SAMHD1: variants seen among roughly 807,000 people sequenced by gnomAD.
SAMHD1 encodes the protein SAM and HD domain containing deoxynucleoside triphosphate triphosphohydrolase 1.
SAMHD1 carries 54 observed loss-of-function variants against 79.6 expected under a neutral mutation model. That is an observed-to-expected ratio of 0.68 (90% CI 0.55 to 0.85). SAMHD1 has a LOEUF of 0.85. Among genes scored for constraint, SAMHD1 ranks in the 40% least tolerant of loss-of-function variants. The pLI is 0.00. For missense variants in SAMHD1, 663 were observed against 782.7 expected, an observed-to-expected ratio of 0.85 and a Z score of 1.82; for synonymous variants, 260 against 264.1, an observed-to-expected ratio of 0.98 and a Z score of 0.15.
At chr20:36,916,649 T>A in intron 9 of SAMHD1, 73 bp downstream of exon 9, 1 of 1,049,820 alleles carries the variant, frequency 9.5e-7, no homozygotes, top group African/African-American at 1.6e-5. Context: ...TTATTCCAAA[T>A]TGTTAAATGG....
At chr20:36,930,036 G>A (rs1185668567) in intron 5 of SAMHD1, among the ~76,000 whole-genome samples, 1 of 146,384 alleles carries the variant, frequency 6.8e-6, no homozygotes, top group African/African-American at 2.5e-5. Flanking sequence ...ACCTGCCTGG[G>A]CAATATAGCG....
At chr20:36,947,670 T>A (rs541370600) in intron 1 of SAMHD1, among the ~76,000 whole-genome samples, 13 of 151,934 alleles carry the variant, frequency 8.6e-5, no homozygotes, top group Admixed American at 2.6e-4. Flanking sequence ...TCTGGACTAT[T>A]TTCTTTTATT....
intron 7 of SAMHD1, among the ~76,000 whole-genome samples, chr20:36,919,134 T>C (rs2063491653): frequency 6.6e-6 from 1 of 152,190 alleles, no homozygotes; most frequent in African/African-American, 2.4e-5. Context: ...AGACCCTGTC[T>C]CTAAAAAGAA....
In SAMHD1 at chr20:36,919,376, G is replaced by T. The variant is rs17853622; in HGVS notation, c.840C>A (p.Val280=). The T allele has an allele frequency of 3.7e-6, 6 of 1,613,358 alleles. No homozygotes were observed. The highest frequency in any genetic ancestry group is 5.1e-6 in the Non-Finnish European group (6 of 1,179,582). ...TACATAAACTTACCAATGAATCTTC[G>T]ACAGGTGATTCAAGTGGTCCTACAA... ...EQIVGPLESP[V]EDSLWPYKGR... The change falls in exon 7 of 16, where the codon GTC becomes GTA. Residue 280 remains valine, a synonymous_variant. Coordinates refer to ENST00000646673, the MANE Select transcript of SAMHD1 (RefSeq NM_015474.4).
In SAMHD1 at chr20:36,916,966, T is replaced by A. The variant is rs1416134092; in HGVS notation, c.936A>T (p.Lys312Asn). ...GTGCATACCTGGCAAAATAATCCCA[T>A]TTGTCCACATCAATGCCATTTCTTT... is the stretch of plus-strand genomic sequence containing the variant. ...SNKRNGIDVD[K>N]WDYFARDCHH... The change falls in exon 8 of 16, where the codon AAA becomes AAT. Residue 312 changes from lysine (K) to asparagine (N), a missense_variant. Coordinates refer to ENST00000646673, the MANE Select transcript of SAMHD1 (RefSeq NM_015474.4). 1.2e-6 allele frequency: 2 copies of A among 1,613,268 alleles called. No individual in the cohort carries two copies. The highest frequency in any genetic ancestry group is 2.2e-5 in the South Asian group (2 of 91,062).
chr20:36,897,856 T>C lies in SAMHD1; in HGVS notation c.1712A>G (p.Gln571Arg), dbSNP rs1423713693. 5 of 1,614,236 alleles carry C rather than the reference T, an allele frequency of 3.1e-6. No homozygotes were observed. In the East Asian group the frequency reaches 8.9e-5, roughly 29 times the overall value. Residue 571 changes from glutamine (Q) to arginine (R), a missense_variant, in exon 15 of 16, where the codon CAG becomes CGG. Physicochemically the swap from Gln to Arg is conservative, Grantham distance 43. Transcript: ENST00000646673. ...SLYAARQYFV[Q>R]WCADRNFTKP... ...GGTGAAATTTCTGTCTGCACACCAC[T>C]GAACAAAATATTGTCTTGCGGCATA...
At chr20:36,945,648 A>G (rs1247981258) in intron 2 of SAMHD1, among the ~76,000 whole-genome samples, 3 of 152,118 alleles carry the variant, frequency 2.0e-5, no homozygotes, top group Non-Finnish European at 4.4e-5. Context: ...TGGGAGGCCA[A>G]GGTGGGCAGA....
intron 6 of SAMHD1, chr20:36,926,915 A>G (rs1287518199): frequency 2.6e-6 from 1 of 387,802 alleles, no homozygotes; most frequent in Non-Finnish European, 4.7e-6. Context: ...CCAGTATTTA[A>G]CGGCTTTGTG....
At chr20:36,921,670 C>T (rs1414979208) in intron 6 of SAMHD1, among the ~76,000 whole-genome samples, 3 of 150,792 alleles carry the variant, frequency 2.0e-5, no homozygotes, top group Admixed American at 1.3e-4. Context: ...CAAGTAGGCA[C>T]GTGCCACCAC....
At chr20:36,907,564 C>T (rs202064194) in intron 11 of SAMHD1, among the ~76,000 whole-genome samples, 1 of 132,644 alleles carries the variant, frequency 7.5e-6, no homozygotes, top group African/African-American at 3.0e-5. Flanking sequence ...TTTTTTTAGA[C>T]AGACTCACCC....
rs149329840 is a variant in SAMHD1, at chr20:36,897,095, T to A, written c.1746+727A>T. On this transcript the variant is annotated intron_variant, in intron 15 of 15. Transcript: ENST00000646673. Reference sequence around the variant, plus strand: ...ATCCTCAGAGATCTTACCTGGATCATGCCTTGTGGCACTTGATAAAGCACC... The same window carrying A: ...ATCCTCAGAGATCTTACCTGGATCAAGCCTTGTGGCACTTGATAAAGCACC... 3.0e-3 allele frequency among the ~76,000 whole-genome samples: 455 copies of A among 152,346 alleles called. 3 individuals are homozygous for A. Among genetic ancestry groups the A allele is most frequent in the African/African-American group, 0.01 (431 of 41,588 alleles).
chr20:36,912,895 T>TTTG (rs2063452760), intron 9 of SAMHD1, among the ~76,000 whole-genome samples: 1 of 128,568 alleles, frequency 7.8e-6, no homozygotes, highest in African/African-American at 3.3e-5. Flanking sequence ...CTTTGTTTTT[T>TTTG]TTTTTTTTTT....
rs567098332 is a variant in SAMHD1 at position 36,950,551 on chromosome 20, C to G, written c.208+885G>C. ...GGCAGGAGTCAAATCTCACACCCAC[C>G]ACAAAAAGTTGAGTAGAATTCACAA... On this transcript the variant is annotated intron_variant, in intron 1 of 15. Coordinates refer to ENST00000646673, the MANE Select transcript of SAMHD1 (RefSeq NM_015474.4). Among the ~76,000 whole-genome samples, 7 of 152,230 alleles carry G rather than the reference C, an allele frequency of 4.6e-5. No individual in the cohort carries two copies. In the East Asian group the frequency reaches 1.4e-3, roughly 29 times the overall value.
chr20:36,910,194 G>T (rs1357629529), intron 11 of SAMHD1, among the ~76,000 whole-genome samples: 2 of 147,288 alleles, frequency 1.4e-5, no homozygotes, highest in Non-Finnish European at 3.0e-5. Context: ...CTGCACTCCA[G>T]CCTGGGCGAC....
intron 1 of SAMHD1, among the ~76,000 whole-genome samples, chr20:36,948,131 T>C (rs2063706949): frequency 6.6e-6 from 1 of 152,132 alleles, no homozygotes; most frequent in African/African-American, 2.4e-5. Flanking sequence ...CGGTAAAATG[T>C]GTTGAGTGTA....
In SAMHD1 at chr20:36,939,075, CAAAAAAAAAAAAA is replaced by C. The variant is rs1178988134; in HGVS notation, c.348+1951_348+1963del. 1.2e-3 allele frequency among the ~76,000 whole-genome samples: 28 copies of C among 22,536 alleles called. 1 individual carries two copies. The highest frequency in any genetic ancestry group is 0.083 in the Middle Eastern group (1 of 12). The allele number at this position is 22,536 out of a possible 152,430, so 14.8% of individuals were successfully genotyped here. Reference sequence around the variant, plus strand: ...GAAACCTTGCCTCTACTAAAAATACCAAAAAAAAAAAAAAAAAAAAAAAAAAAAATTAACTGGG... The same window carrying C: ...GAAACCTTGCCTCTACTAAAAATACCAAAAAAAAAAAAAAAATTAACTGGG... On this transcript the variant is annotated intron_variant, in intron 3 of 15. Transcript: ENST00000646673.
chr20:36,899,457 C>T (rs886461153), intron 13 of SAMHD1, among the ~76,000 whole-genome samples: 1 of 151,862 alleles, frequency 6.6e-6, no homozygotes, highest in African/African-American at 2.4e-5. Flanking sequence ...AAAATCCTAG[C>T]CCCCACAAAC....
At chr20:36,906,551 T>C (rs1412752324) in intron 11 of SAMHD1, among the ~76,000 whole-genome samples, 1 of 152,196 alleles carries the variant, frequency 6.6e-6, no homozygotes, top group East Asian at 1.9e-4. Flanking sequence ...GAAGCAAAAC[T>C]GCCATGTGTT....
intron 7 of SAMHD1, 110 bp downstream of exon 7, chr20:36,919,254 T>C: frequency 1.0e-6 from 1 of 1,003,496 alleles, no homozygotes; most frequent in Non-Finnish European, 1.5e-6. Context: ...ATAGAACTCA[T>C]ATTTTATCAT....
Sources: gnomAD v4.1 joint callset for allele counts (sites outside exome capture counted in the v4.1 genomes callset) on GRCh38, gnomAD v4.1.1 for gene constraint, MANE v1.5 for transcripts, NCBI Gene and HGNC (gene_info 2026-07-23, HGNC 2026-07-21) for gene names.